The following SMURF1 variants were observed in gnomAD, a reference collection of about 807,000 sequenced individuals.
SMURF1 encodes the protein E3 ubiquitin-protein ligase SMURF1.
SMURF1 carries 44 observed loss-of-function variants against 98.0 expected under a neutral mutation model. The observed-to-expected ratio is 0.45, with a 90% CI of 0.35 to 0.58. The LOEUF is 0.58. Ranked by LOEUF, SMURF1 falls within the 20% of genes least tolerant of loss-of-function variation. The pLI is 0.00. For synonymous variants in SMURF1, 396 were observed against 374.9 expected (o/e 1.06, Z -0.65); for missense variants, 687 against 938.4 (o/e 0.73, Z 3.50).
chr7:99,062,790 G>C (rs1338535134), intron 1 of SMURF1, among the ~76,000 whole-genome samples: 2 of 152,172 alleles, frequency 1.3e-5, no homozygotes, highest in Non-Finnish European at 2.9e-5. Context: ...AGAGGTTGCA[G>C]TGAGCCAAGA....
Position 99,142,247 on chromosome 7 carries a change from G to A in SMURF1, c.55+1479C>T, listed in dbSNP as rs530989186. Among the ~76,000 whole-genome samples, 10 of 152,334 alleles carry A rather than the reference G, an allele frequency of 6.6e-5. No homozygotes were observed. In the East Asian group the frequency reaches 1.9e-3, roughly 29 times the overall value. On this transcript the variant is annotated intron_variant, in intron 1 of 17. Transcript: ENST00000361368. ...TTCATTGAAGACAAAATGAATCAAG[G>A]AGCCTGCGTGTGGGCAGCTTCCAAA...
At chr7:99,093,767 A>G (rs1454073536) in intron 1 of SMURF1, among the ~76,000 whole-genome samples, 1 of 152,096 alleles carries the variant, frequency 6.6e-6, no homozygotes, top group Non-Finnish European at 1.5e-5. Flanking sequence ...CTATATATAT[A>G]TAATTTCAAT....
chr7:99,040,375 T>TA lies in SMURF1; in HGVS notation c.1550+2dup. ...AGGTGACCGGCCGTCAGTCAATACT[T>TA]ACAGGATCCACACCAAGCTCTTATG... On this transcript the variant is annotated splice_region_variant and intron_variant, in intron 13 of 17. Coordinates refer to ENST00000361368, the MANE Select transcript of SMURF1 (RefSeq NM_181349.3). 1 of 1,509,420 alleles carries TA rather than the reference T, an allele frequency of 6.6e-7. No individual in the cohort carries two copies. Among genetic ancestry groups the TA allele is most frequent in the Non-Finnish European group, 8.9e-7 (1 of 1,126,024 alleles). The allele number at this position is 1,509,420 out of a possible 1,614,324, so 93.5% of individuals were successfully genotyped here. A position where few individuals can be genotyped will look rare whatever the true frequency, so the allele number is the denominator to read the frequency against.
chr7:99,058,690 C>T (rs1795946132), intron 3 of SMURF1, among the ~76,000 whole-genome samples: 1 of 152,210 alleles, frequency 6.6e-6, no homozygotes, highest in Non-Finnish European at 1.5e-5. Flanking sequence ...AAAAATCCCA[C>T]CCAAATACAG....
intron 1 of SMURF1, among the ~76,000 whole-genome samples, chr7:99,099,338 T>C (rs1443565178): frequency 1.3e-5 from 2 of 152,076 alleles, no homozygotes; most frequent in Non-Finnish European, 2.9e-5. Context: ...AGGGAGGTTT[T>C]ACATTGCTTT....
intron 1 of SMURF1, among the ~76,000 whole-genome samples, chr7:99,124,371 C>T (rs986301053): frequency 7.2e-5 from 11 of 152,274 alleles, no homozygotes; most frequent in Admixed American, 7.2e-4. Flanking sequence ...GCAGAAGGGG[C>T]ACTCCAAAGT....
chr7:99,132,277 C>G (rs1797887018), intron 1 of SMURF1, among the ~76,000 whole-genome samples: 1 of 152,134 alleles, frequency 6.6e-6, no homozygotes, highest in Non-Finnish European at 1.5e-5. Context: ...CTCCGACGCC[C>G]AACTCAGAGG....
chr7:99,035,374 A>G (rs758682719), intron 16 of SMURF1, 141 bp downstream of exon 16: 147 of 1,050,696 alleles, frequency 1.4e-4, no homozygotes, highest in Non-Finnish European at 2.0e-4. Flanking sequence ...TCTGTAGGGC[A>G]GAGCATTAGC....
intron 1 of SMURF1, among the ~76,000 whole-genome samples, chr7:99,067,693 T>C (rs7779994): frequency 0.41 from 62,167 of 152,094 alleles, 15,550 homozygotes; most frequent in Non-Finnish European, 0.55. Flanking sequence ...GGCTCACGCC[T>C]GTAATCCCAG....
chr7:99,051,349 A>C lies in SMURF1; in HGVS notation c.806+8T>G, dbSNP rs1351625337. ...ACAGCTGGGGGGTGTCCATTTCAGG[A>C]GGCTTACCTTGGTATCCTGGGGTCG... On this transcript the variant is annotated splice_region_variant and intron_variant, in intron 8 of 17. Coordinates refer to ENST00000361368, the MANE Select transcript of SMURF1 (RefSeq NM_181349.3). 1 of 1,611,964 alleles carries C rather than the reference A, an allele frequency of 6.2e-7. No homozygotes were observed. Among genetic ancestry groups the C allele is most frequent in the African/African-American group, 1.3e-5 (1 of 74,988 alleles).
At chr7:99,111,328 T>G (rs901443295) in intron 1 of SMURF1, among the ~76,000 whole-genome samples, 1 of 152,198 alleles carries the variant, frequency 6.6e-6, no homozygotes, top group African/African-American at 2.4e-5. Flanking sequence ...GATCAAGAAA[T>G]TTGATACTAA....
chr7:99,053,077 T>C (rs1423974206), intron 6 of SMURF1, among the ~76,000 whole-genome samples: 1 of 151,918 alleles, frequency 6.6e-6, no homozygotes, highest in Non-Finnish European at 1.5e-5. Context: ...TAAAATCATA[T>C]CCAAATACTC....
At position 99,040,362 on chromosome 7, in the gene SMURF1, G is replaced by A. The variant is rs538632216; in HGVS notation, c.1550+16C>T. The A allele has an allele frequency of 9.7e-5, 143 of 1,467,620 alleles. No individual in the cohort carries two copies. The South Asian group carries it at 1.4e-3, about 15-fold the overall frequency. 90.9% of individuals were successfully genotyped at this position (1,467,620 alleles called of 1,614,324 possible). ...TGGGCCCTAAGCCAGGTGACCGGCCGTCAGTCAATACTTACAGGATCCACA... is the reference window on the plus strand; with the variant it reads ...TGGGCCCTAAGCCAGGTGACCGGCCATCAGTCAATACTTACAGGATCCACA... On this transcript the variant is annotated intron_variant, in intron 13 of 17. Coordinates refer to ENST00000361368, the MANE Select transcript of SMURF1 (RefSeq NM_181349.3).
At chr7:99,114,912 CAA>C (rs1191458724) in intron 1 of SMURF1, among the ~76,000 whole-genome samples, 1 of 151,648 alleles carries the variant, frequency 6.6e-6, no homozygotes, top group Non-Finnish European at 1.5e-5. Flanking sequence ...AAAAAAATGA[CAA>C]GAGAAATTAG....
chr7:99,086,348 A>T (rs1796678057), intron 1 of SMURF1, among the ~76,000 whole-genome samples: 1 of 151,496 alleles, frequency 6.6e-6, no homozygotes, highest in African/African-American at 2.4e-5. Context: ...TCTCTCAAAA[A>T]GGAAAAAAAA....
chr7:99,090,931 C>T (rs1796794929), intron 1 of SMURF1, among the ~76,000 whole-genome samples: 1 of 152,148 alleles, frequency 6.6e-6, no homozygotes, highest in East Asian at 1.9e-4. Context: ...CAGCTACGCT[C>T]TAGTTAGGGG....
chr7:99,125,715 C>T (rs1382657353), intron 1 of SMURF1, among the ~76,000 whole-genome samples: 4 of 152,248 alleles, frequency 2.6e-5, no homozygotes, highest in Non-Finnish European at 4.4e-5. Flanking sequence ...CACTTGCCTC[C>T]AGCACCTGGC....
chr7:99,097,825 A>C (rs1434822774), intron 1 of SMURF1, among the ~76,000 whole-genome samples: 1 of 152,246 alleles, frequency 6.6e-6, no homozygotes, highest in Non-Finnish European at 1.5e-5. Context: ...CAAAGATAAA[A>C]ATATTGAATG....
At chr7:99,127,092 C>T (rs1184019469) in intron 1 of SMURF1, among the ~76,000 whole-genome samples, 5 of 152,136 alleles carry the variant, frequency 3.3e-5, no homozygotes, top group Non-Finnish European at 7.4e-5. Flanking sequence ...GCTTCAGCCC[C>T]GAAGTGGGAC....
Sources: gnomAD v4.1 joint callset for allele counts (sites outside exome capture counted in the v4.1 genomes callset) on GRCh38, gnomAD v4.1.1 for gene constraint, MANE v1.5 for transcripts, NCBI Gene and HGNC (gene_info 2026-07-23, HGNC 2026-07-21) for gene names.